DRC2: variants seen among roughly 807,000 people sequenced by gnomAD.
DRC2 encodes the protein coiled-coil domain containing 65.
the DRC2 span, among the ~76,000 whole-genome samples, chr12:48,913,299 T>G: frequency 6.6e-6 from 1 of 151,928 alleles, no homozygotes; most frequent in African/African-American, 2.4e-5. Flanking sequence ...GGCTCTTTGC[T>G]ATCACTTCTT....
the DRC2 span, chr12:48,904,818 C>T: frequency 6.7e-6 from 5 of 741,192 alleles, no homozygotes; most frequent in East Asian, 1.1e-4. Flanking sequence ...CACCCTTGCC[C>T]TCCCTAAATG....
chr12:48,920,804 T>C, the DRC2 span: 6 of 742,216 alleles, frequency 8.1e-6, no homozygotes, highest in East Asian at 2.6e-5. Flanking sequence ...ATTTGCTATA[T>C]GTATTTATTG....
chr12:48,904,286 G>A, the DRC2 span: 1 of 1,578,992 alleles, frequency 6.3e-7, no homozygotes, highest in African/African-American at 1.4e-5. Flanking sequence ...GCTCTGTAAC[G>A]CGGGCCGAGG....
At chr12:48,907,233 C>CA in the DRC2 span, among the ~76,000 whole-genome samples, 8 of 151,950 alleles carry the variant, frequency 5.3e-5, no homozygotes, top group Non-Finnish European at 1.0e-4. Flanking sequence ...CAAAACAAAA[C>CA]AAAAAAACAC....
At chr12:48,917,738 C>A in the DRC2 span, among the ~76,000 whole-genome samples, 1 of 152,136 alleles carries the variant, frequency 6.6e-6, no homozygotes, top group Non-Finnish European at 1.5e-5. Flanking sequence ...AATGACCTGC[C>A]AAAGTCATGC....
At chr12:48,913,327 G>A in the DRC2 span, among the ~76,000 whole-genome samples, 4 of 151,168 alleles carry the variant, frequency 2.6e-5, no homozygotes, top group Non-Finnish European at 4.4e-5. Flanking sequence ...TTTTTGAGAC[G>A]GAGTCTCGCT....
the DRC2 span, chr12:48,914,590 G>A: frequency 2.5e-6 from 4 of 1,611,426 alleles, no homozygotes; most frequent in South Asian, 3.3e-5. Context: ...GGGCCTAAGA[G>A]AAGATGGGGA....
chr12:48,918,288 A>G, the DRC2 span: 1 of 1,614,042 alleles, frequency 6.2e-7, no homozygotes, highest in Non-Finnish European at 8.5e-7. Context: ...TTAGAAGAGA[A>G]GCACTTTCTA....
chr12:48,916,938 TCA>T, the DRC2 span: 18 of 1,609,008 alleles, frequency 1.1e-5, no homozygotes, highest in Non-Finnish European at 1.4e-5. Flanking sequence ...CCTGTATCCC[TCA>T]GAGCAGGGAC....
chr12:48,921,330 G>A, the DRC2 span: 21 of 1,614,160 alleles, frequency 1.3e-5, no homozygotes, highest in South Asian at 2.1e-4. Flanking sequence ...AGTGAGTGAC[G>A]AAGTGCTGAG....
the DRC2 span, among the ~76,000 whole-genome samples, chr12:48,911,339 C>T: frequency 6.6e-6 from 1 of 151,970 alleles, no homozygotes; most frequent in East Asian, 1.9e-4. Flanking sequence ...GCGGCAGATC[C>T]TTTGAGCCCA....
At chr12:48,916,845 T>C in the DRC2 span, 1 of 829,112 alleles carries the variant, frequency 1.2e-6, no homozygotes, top group East Asian at 2.7e-5. Context: ...GCCTTCCCTC[T>C]CTCTTTTCTC....
the DRC2 span, chr12:48,916,899 T>C: frequency 1.2e-5 from 18 of 1,457,150 alleles, no homozygotes; most frequent in African/African-American, 1.2e-4. Context: ...GATTACATAC[T>C]GCTTTGAATT....
chr12:48,915,819 C>T, the DRC2 span, among the ~76,000 whole-genome samples: 9 of 151,166 alleles, frequency 6.0e-5, no homozygotes, highest in East Asian at 1.8e-3. Context: ...GGCTGCCGGG[C>T]GGAGAGGCTC....
chr12:48,910,332 C>T, the DRC2 span, among the ~76,000 whole-genome samples: 1 of 152,194 alleles, frequency 6.6e-6, no homozygotes, highest in African/African-American at 2.4e-5. Flanking sequence ...ACATCCAGCA[C>T]AGTGCTGGTA....
At chr12:48,905,021 C>G in the DRC2 span, 1 of 1,613,970 alleles carries the variant, frequency 6.2e-7, no homozygotes, top group Non-Finnish European at 8.5e-7. Flanking sequence ...AACTGTCCTT[C>G]GGGAAGTCAA....
chr12:48,915,577 T>G, the DRC2 span, among the ~76,000 whole-genome samples: 7,803 of 151,914 alleles, frequency 0.051, 298 homozygotes, highest in South Asian at 0.2. Context: ...CCCTTTCTAT[T>G]CCGCAAAGCC....
chr12:48,914,062 TG>T, the DRC2 span, among the ~76,000 whole-genome samples: 19,098 of 151,688 alleles, frequency 0.13, 1,766 homozygotes, highest in African/African-American at 0.26. Context: ...TGTGAGTAGC[TG>T]GGATTACGGC....
chr12:48,908,923 G>C, the DRC2 span, among the ~76,000 whole-genome samples: 1 of 151,316 alleles, frequency 6.6e-6, no homozygotes, highest in Non-Finnish European at 1.5e-5. Flanking sequence ...ATCTAATCCT[G>C]TCACTCCACT....
Sources: gnomAD v4.1 joint callset for allele counts (sites outside exome capture counted in the v4.1 genomes callset) on GRCh38, gnomAD v4.1.1 for gene constraint, MANE v1.5 for transcripts, NCBI Gene and HGNC (gene_info 2026-07-23, HGNC 2026-07-21) for gene names.